DENND2D: variants seen among roughly 807,000 people sequenced by gnomAD.
DENND2D encodes the protein DENN domain-containing protein 2D.
In DENND2D, 37 loss-of-function variants were observed where a neutral mutation model predicts 59.8. The ratio of observed to expected loss-of-function variants is 0.62; its 90% CI spans 0.48 to 0.81. DENND2D has a LOEUF of 0.81. DENND2D is among the 40% of genes least tolerant of loss of function. The probability of loss-of-function intolerance (pLI) is 0.00; values close to 1 mark genes in which losing one functional copy is unlikely to be tolerated. For missense variants in DENND2D, 525 were observed against 579.7 expected, an observed-to-expected ratio of 0.91 and a Z score of 0.97; for synonymous variants, 219 against 211.3, an observed-to-expected ratio of 1.04 and a Z score of -0.31.
At chr1:111,191,403 G>A (rs1657757683) in intron 8 of DENND2D, among the ~76,000 whole-genome samples, 1 of 152,184 alleles carries the variant, frequency 6.6e-6, no homozygotes, top group Admixed American at 6.5e-5. Context: ...ACATTCCCAA[G>A]TCCCTCTTCT....
chr1:111,198,497 T>G, intron 3 of DENND2D, 133 bp downstream of exon 3: 1 of 846,398 alleles, frequency 1.2e-6, no homozygotes, highest in Non-Finnish European at 1.9e-6. Flanking sequence ...CCAGATGTTT[T>G]CAAACAAATC....
At chr1:111,198,800 A>G (rs1658509580) in intron 2 of DENND2D, 58 bp from the exon 3 acceptor site, 3 of 1,577,604 alleles carry the variant, frequency 1.9e-6, no homozygotes, top group Non-Finnish European at 2.6e-6. Context: ...ATAGCAGGAG[A>G]CAGCTTCAGA....
At chr1:111,193,368 C>T (rs2783448) in intron 7 of DENND2D, among the ~76,000 whole-genome samples, 1,989 of 152,222 alleles carry the variant, frequency 0.013, 40 homozygotes, top group African/African-American at 0.045. Flanking sequence ...TGAATCCTGC[C>T]GACCTCCACT....
upstream of DENND2D, chr1:111,200,673 C>G (rs549118667): frequency 7.8e-5 from 105 of 1,338,062 alleles, 1 homozygote; most frequent in South Asian, 1.4e-3. Context: ...GCAGCAGAAG[C>G]CAGCACCAAC....
At chr1:111,188,088 G>GAGTC (rs1273766742) in intron 11 of DENND2D, 43 bp downstream of exon 11, 2 of 1,606,736 alleles carry the variant, frequency 1.2e-6, no homozygotes, top group African/African-American at 2.7e-5. Flanking sequence ...TATTCTAGAG[G>GAGTC]TAACCCTCTA....
upstream of DENND2D, chr1:111,204,190 A>G: frequency 8.2e-7 from 1 of 1,215,192 alleles, no homozygotes; most frequent in South Asian, 1.9e-5. Flanking sequence ...CTGCTCCCGG[A>G]TCTCGACGCC....
chr1:111,189,585 T>G (rs143482302), intron 8 of DENND2D, among the ~76,000 whole-genome samples: 1 of 152,296 alleles, frequency 6.6e-6, no homozygotes, highest in East Asian at 1.9e-4. Flanking sequence ...CATGGAGCAT[T>G]TAGTACATTG....
At chr1:111,199,964 C>A (rs562968262) in intron 1 of DENND2D, 166 bp from the exon 2 acceptor site, 3 of 806,806 alleles carry the variant, frequency 3.7e-6, no homozygotes, top group East Asian at 2.7e-5. Flanking sequence ...GCCAAATGGG[C>A]AGTTTCCACA....
In DENND2D at chr1:111,195,980, G is replaced by A. The variant is rs762206224; in HGVS notation, c.581C>T (p.Ala194Val). ...IYPFMQGLRE[A>V]AFPAPGKTVT... ...AGTCTTCCCAGGAGCAGGGAAGGCTGCCTCTCGGAGGCCCTGCATGAACGG... is the reference window on the plus strand; with the variant it reads ...AGTCTTCCCAGGAGCAGGGAAGGCTACCTCTCGGAGGCCCTGCATGAACGG... The change falls in exon 6 of 12, where the codon GCA becomes GTA. Residue 194 changes from alanine (A) to valine (V), a missense_variant. Physicochemically the swap from Ala to Val is moderately conservative, Grantham distance 64. This residue lies in a region of DENND2D where 253 missense variants were observed against 246.4 expected (regional missense o/e 1.03). Coordinates refer to ENST00000357640, the MANE Select transcript of DENND2D (RefSeq NM_024901.5). The A allele has an allele frequency of 6.2e-7, 1 of 1,614,094 alleles. No homozygotes were observed. The highest frequency in any genetic ancestry group is 8.5e-7 in the Non-Finnish European group (1 of 1,180,012).
Position 111,187,652 on chromosome 1 carries a change from C to T in DENND2D, c.1369G>A (p.Glu457Lys). ...GYFQQKILEY[E>K]EQKKQKKPRE... Reference sequence around the variant, plus strand: ...GGTTTCTTCTGTTTCTTCTGTTCCTCATATTCAAGTATTTTCTGTTGGAAA... The same window carrying T: ...GGTTTCTTCTGTTTCTTCTGTTCCTTATATTCAAGTATTTTCTGTTGGAAA... Residue 457 changes from glutamate (E) to lysine (K), a missense_variant, in exon 12 of 12, where the codon GAG (glutamate) becomes AAG (lysine). Physicochemically the swap from Glu to Lys is moderately conservative, Grantham distance 56. This residue lies in a region of DENND2D where 225 missense variants were observed against 252.4 expected (regional missense o/e 0.89). Coordinates refer to ENST00000357640, the MANE Select transcript of DENND2D (RefSeq NM_024901.5). The T allele has an allele frequency of 6.2e-7, 1 of 1,613,910 alleles. No homozygotes were observed. The highest frequency in any genetic ancestry group is 8.5e-7 in the Non-Finnish European group (1 of 1,179,848).
intron 8 of DENND2D, 177 bp from the exon 9 acceptor site, chr1:111,189,430 A>ATC: frequency 1.6e-6 from 1 of 644,222 alleles, no homozygotes; most frequent in Non-Finnish European, 2.7e-6. Context: ...CCCTCTGGAG[A>ATC]TCTCAGTTCC....
Position 111,197,352 on chromosome 1 carries a change from G to T in DENND2D, c.427-99C>A, listed in dbSNP as rs1658340930. ...CACAAGGCTGAGGGCTGGGGAGGGGGATTTATGGGGAATGGTGGGTGCAGC... is the reference window on the plus strand; with the variant it reads ...CACAAGGCTGAGGGCTGGGGAGGGGTATTTATGGGGAATGGTGGGTGCAGC... On this transcript the variant is annotated intron_variant, in intron 4 of 11. Coordinates refer to ENST00000357640, the MANE Select transcript of DENND2D (RefSeq NM_024901.5). 3.9e-6 allele frequency: 6 copies of T among 1,525,512 alleles called. No homozygotes were observed. The Admixed American group carries it at 8.0e-5, about 20-fold the overall frequency. 94.5% of individuals were successfully genotyped at this position (1,525,512 alleles called of 1,614,324 possible).
chr1:111,187,399 A>G lies in DENND2D; in HGVS notation c.*206T>C. ...GAGCTCTGAGCCCAGTTCTGTGAGCATGGTGTCAGAGCCCTCCAAAGTCCT... is the reference window on the plus strand; with the variant it reads ...GAGCTCTGAGCCCAGTTCTGTGAGCGTGGTGTCAGAGCCCTCCAAAGTCCT... On this transcript the variant is annotated 3_prime_UTR_variant, in exon 12 of 12. Coordinates refer to ENST00000357640, the MANE Select transcript of DENND2D (RefSeq NM_024901.5). The G allele has an allele frequency of 3.5e-6, 2 of 572,032 alleles. No individual in the cohort carries two copies. Among genetic ancestry groups the G allele is most frequent in the Non-Finnish European group, 6.3e-6 (2 of 318,766 alleles). 35.4% of individuals were successfully genotyped at this position (572,032 alleles called of 1,614,324 possible). A position where few individuals can be genotyped will look rare whatever the true frequency, so the allele number is the denominator to read the frequency against.
chr1:111,194,477 A>G lies in DENND2D; in HGVS notation c.794+101T>C, dbSNP rs535842027. The G allele has an allele frequency of 1.1e-4, 159 of 1,387,866 alleles. No homozygotes were observed. In the African/African-American group the frequency reaches 2.1e-3, roughly 19 times the overall value. 86.0% of individuals were successfully genotyped at this position (1,387,866 alleles called of 1,614,324 possible). A position where few individuals can be genotyped will look rare whatever the true frequency, so the allele number is the denominator to read the frequency against. On this transcript the variant is annotated intron_variant, in intron 7 of 11. Coordinates refer to ENST00000357640, the MANE Select transcript of DENND2D (RefSeq NM_024901.5). ...GAGCTAGAAACAGGAGGGTGGGCGC[A>G]TGGACCCTACAGCCCATTTTCCTTG...
At chr1:111,197,299 G>C (rs1658335587) in intron 4 of DENND2D, 46 bp from the exon 5 acceptor site, 1 of 1,585,092 alleles carries the variant, frequency 6.3e-7, no homozygotes, top group East Asian at 2.3e-5. Context: ...GCCTCCCCAA[G>C]GGCTTCTCCC....
chr1:111,200,225 T>G, intron 1 of DENND2D, 168 bp downstream of exon 1: 1 of 865,864 alleles, frequency 1.2e-6, no homozygotes, highest in Non-Finnish European at 1.8e-6. Context: ...AGAGAGGGCA[T>G]GACCAGCTCT....
rs1658498523 is a variant in DENND2D, at chr1:111,198,717, T to TGCTGACACCGAAGCAGGTTCTCCC, written c.268_269insGGGAGAACCTGCTTCGGTGTCAGC (p.Gln89_Gln90insArgGluAsnLeuLeuArgCysGln). The stretch of plus-strand genomic sequence containing the variant: ...TTTGAGCAGCCGCTCCTCCTCCTCC[T>TGCTGACACCGAAGCAGGTTCTCCC]GCTGACCCCGAAGCAGGTTCTCCCG... On this transcript the variant is annotated inframe_insertion, in exon 3 of 12. Transcript: ENST00000357640. The TGCTGACACCGAAGCAGGTTCTCCC allele has an allele frequency of 6.2e-7, 1 of 1,614,060 alleles. No homozygotes were observed.
At chr1:111,200,226 GACCAGCTCTTAAAA>G (rs1658665595) in intron 1 of DENND2D, 153 bp downstream of exon 1, 1 of 873,626 alleles carries the variant, frequency 1.1e-6, no homozygotes. Flanking sequence ...GAGAGGGCAT[GACCAGCTCTTAAAA>G]ACCAGCAGAG....
At chr1:111,196,264 T>C in intron 5 of DENND2D, 2 of 509,060 alleles carry the variant, frequency 3.9e-6, no homozygotes, top group Non-Finnish European at 6.8e-6. Context: ...ATCTCCCACA[T>C]AAGACCTGCC....
Sources: allele counts gnomAD v4.1 joint callset (sites outside exome capture counted in the v4.1 genomes callset), GRCh38; gene constraint gnomAD v4.1.1; regional missense constraint gnomAD v4.1.1; transcripts MANE v1.5; gene names NCBI Gene and HGNC (gene_info 2026-07-23, HGNC 2026-07-21).